NUP35: variants seen among roughly 807,000 people sequenced by gnomAD.
The protein encoded by NUP35 is nucleoporin NUP35.
NUP35 carries 25 observed loss-of-function variants against 41.5 expected under a neutral mutation model. That is an observed-to-expected ratio of 0.60 (90% CI 0.44 to 0.84). The LOEUF (loss-of-function observed/expected upper bound fraction) is 0.84, where lower values mean the gene tolerates loss of function less well. NUP35 is among the 40% of genes least tolerant of loss of function. NUP35 has a pLI of 0.00. For missense variants in NUP35, 396 were observed against 396.6 expected (o/e 1.00, Z 0.01); for synonymous variants, 149 against 130.7 (o/e 1.14, Z -0.96).
intron 1 of NUP35, among the ~76,000 whole-genome samples, chr2:183,126,531 A>G (rs1684495547): frequency 6.6e-6 from 1 of 152,118 alleles, no homozygotes; most frequent in South Asian, 2.1e-4. Flanking sequence ...CTTACGAAAT[A>G]TTTCTACAGT....
At chr2:183,118,389 C>A (rs1260011171) in intron 1 of NUP35, 1 of 152,108 alleles carries the variant, frequency 6.6e-6, no homozygotes, top group Non-Finnish European at 1.5e-5. Flanking sequence ...TTTTGAAGAT[C>A]TCATTTTACA....
chr2:183,139,819 CAT>C (rs1685021659), intron 4 of NUP35, among the ~76,000 whole-genome samples: 1 of 152,206 alleles, frequency 6.6e-6, no homozygotes, highest in Non-Finnish European at 1.5e-5. Context: ...TTGCCAACAA[CAT>C]AATTTTGGAC....
At chr2:183,118,130 A>G (rs1700014089) in intron 1 of NUP35, among the ~76,000 whole-genome samples, 1 of 152,208 alleles carries the variant, frequency 6.6e-6, no homozygotes, top group East Asian at 1.9e-4. Context: ...TTGATAATCA[A>G]TGGTCTACAA....
At chr2:183,131,118 G>C (rs1041194157) in intron 3 of NUP35, 1 of 298,130 alleles carries the variant, frequency 3.4e-6, no homozygotes, top group Non-Finnish European at 7.3e-6. Context: ...TGGGATATAG[G>C]CACGTGCTGC....
intron 4 of NUP35, among the ~76,000 whole-genome samples, chr2:183,140,276 T>G (rs1417085480): frequency 6.6e-6 from 1 of 152,162 alleles, no homozygotes; most frequent in Non-Finnish European, 1.5e-5. Context: ...TCCACATTCT[T>G]TGGTTTATGT....
chr2:183,146,007 A>G (rs1197516327), intron 4 of NUP35, among the ~76,000 whole-genome samples: 1 of 152,164 alleles, frequency 6.6e-6, no homozygotes, highest in African/African-American at 2.4e-5. Context: ...AGGCCAAGGC[A>G]GGTGGATCAC....
rs773414832 is a variant in NUP35 at position 183,130,392 on chromosome 2, T to A, written c.212-26T>A. 2.5e-3 allele frequency: 2,963 copies of A among 1,191,652 alleles called. 3 individuals carry two copies. Among genetic ancestry groups the A allele is most frequent in the South Asian group, 0.012 (482 of 41,298 alleles). 73.8% of individuals were successfully genotyped at this position (1,191,652 alleles called of 1,614,324 possible). ...CTTACCAAAAAGAAGAATCCCTTTT[T>A]TTTTTTTTTTTTTTGTACACTGTAG... On this transcript the variant is annotated intron_variant, in intron 2 of 8. Transcript: ENST00000295119.
chr2:183,154,244 A>T (rs1394493941), intron 5 of NUP35, among the ~76,000 whole-genome samples: 1 of 152,208 alleles, frequency 6.6e-6, no homozygotes, highest in African/African-American at 2.4e-5. Context: ...CATTTTCCCC[A>T]TGCTCTTGGG....
intron 3 of NUP35, chr2:183,131,002 A>T: frequency 2.0e-6 from 2 of 989,638 alleles, no homozygotes; most frequent in Middle Eastern, 2.9e-4. Flanking sequence ...TAGGGTCCCC[A>T]ACAGGGTCCT....
intron 4 of NUP35, among the ~76,000 whole-genome samples, chr2:183,146,542 C>CA (rs1685284190): frequency 6.6e-6 from 1 of 152,148 alleles, no homozygotes; most frequent in Non-Finnish European, 1.5e-5. Flanking sequence ...TACACTCCCA[C>CA]CAACAGCATA....
At chr2:183,159,441 T>TA (rs1267288395) in intron 7 of NUP35, 47 bp from the exon 8 acceptor site, 2 of 1,412,710 alleles carry the variant, frequency 1.4e-6, no homozygotes, top group South Asian at 2.6e-5. Context: ...TACTGGATGA[T>TA]ATGTATTATG....
At chr2:183,138,888 T>TA (rs764709706) in intron 4 of NUP35, among the ~76,000 whole-genome samples, 116 of 152,188 alleles carry the variant, frequency 7.6e-4, no homozygotes, top group Non-Finnish European at 1.1e-3. Context: ...AGAGTTTTGA[T>TA]AGTGTTCCTG....
At chr2:183,149,956 T>C (rs111968066) in intron 4 of NUP35, among the ~76,000 whole-genome samples, 265 of 152,180 alleles carry the variant, frequency 1.7e-3, no homozygotes, top group African/African-American at 6.3e-3. Context: ...ACCCAGGGTG[T>C]AATGCAGTGG....
At chr2:183,148,424 A>G (rs1685353601) in intron 4 of NUP35, among the ~76,000 whole-genome samples, 1 of 152,172 alleles carries the variant, frequency 6.6e-6, no homozygotes, top group South Asian at 2.1e-4. Flanking sequence ...GTTCTCACCA[A>G]CAGTGTATGA....
chr2:183,156,907 G>C (rs1685684061), intron 5 of NUP35, among the ~76,000 whole-genome samples: 1 of 152,118 alleles, frequency 6.6e-6, no homozygotes, highest in African/African-American at 2.4e-5. Flanking sequence ...CTCATGCAGA[G>C]ATATGGCTAA....
chr2:183,126,759 G>C (rs1684506396), intron 1 of NUP35, among the ~76,000 whole-genome samples: 1 of 151,788 alleles, frequency 6.6e-6, no homozygotes, highest in South Asian at 2.1e-4. Flanking sequence ...AGATTGTTAA[G>C]GCCATCTAGA....
intron 4 of NUP35, among the ~76,000 whole-genome samples, chr2:183,140,283 A>G (rs771435532): frequency 6.6e-6 from 1 of 151,802 alleles, no homozygotes; most frequent in Non-Finnish European, 1.5e-5. Context: ...TCTTTGGTTT[A>G]TGTCCCCCTA....
chr2:183,117,896 G>A (rs1476440080), intron 1 of NUP35, among the ~76,000 whole-genome samples: 2 of 152,124 alleles, frequency 1.3e-5, no homozygotes, highest in Non-Finnish European at 2.9e-5. Flanking sequence ...TTTGAGTTTA[G>A]AAGAAAGTTG....
At chr2:183,134,106 A>G (rs1392655079) in intron 4 of NUP35, among the ~76,000 whole-genome samples, 1 of 152,196 alleles carries the variant, frequency 6.6e-6, no homozygotes, top group Non-Finnish European at 1.5e-5. Context: ...AGAAGCAACC[A>G]CTGATTATAT....
Sources: allele counts gnomAD v4.1 joint callset (sites outside exome capture counted in the v4.1 genomes callset), GRCh38; gene constraint gnomAD v4.1.1; transcripts MANE v1.5; gene names NCBI Gene and HGNC (gene_info 2026-07-23, HGNC 2026-07-21).